Variants in CLEC1A observed in about 807,000 individuals in gnomAD.
CLEC1A encodes C-type lectin-like receptor-1.
CLEC1A carries 34 observed loss-of-function variants against 28.7 expected under a neutral mutation model. The observed-to-expected ratio is 1.18, with a 90% CI of 0.90 to 1.57. The LOEUF (loss-of-function observed/expected upper bound fraction) is 1.57, where lower values mean the gene tolerates loss of function less well. Among genes scored for constraint, CLEC1A ranks in the 40% most tolerant of loss-of-function variants. CLEC1A has a pLI of 0.00. For synonymous variants in CLEC1A, 116 were observed against 121.0 expected, an observed-to-expected ratio of 0.96 and a Z score of 0.27; for missense variants, 385 against 339.5, an observed-to-expected ratio of 1.13 and a Z score of -1.05.
chr12:10,089,072 C>G (rs1866558821), intron 2 of CLEC1A, 52 bp downstream of exon 2: 1 of 1,372,716 alleles, frequency 7.3e-7, no homozygotes, highest in Non-Finnish European at 1.0e-6. Context: ...GTTTCTCATC[C>G]TAGACAAACC....
intron 1 of CLEC1A, among the ~76,000 whole-genome samples, chr12:10,093,667 T>C (rs1343186641): frequency 6.6e-6 from 1 of 152,030 alleles, no homozygotes; most frequent in Non-Finnish European, 1.5e-5. Context: ...ATGTGCATGT[T>C]ACAAACTAGT....
intron 2 of CLEC1A, among the ~76,000 whole-genome samples, chr12:10,085,976 T>A (rs1455666391): frequency 1.1e-4 from 16 of 152,218 alleles, no homozygotes; most frequent in Admixed American, 1.0e-3. Flanking sequence ...ACTGAAATTA[T>A]ATCAAGTATT....
chr12:10,072,522 C>A (rs145394247), intron 5 of CLEC1A, among the ~76,000 whole-genome samples: 60 of 152,270 alleles, frequency 3.9e-4, no homozygotes, highest in Non-Finnish European at 7.6e-4. Flanking sequence ...TTTTGCTGCA[C>A]AGAAAGCCAA....
At position 10,071,520 on chromosome 12, in the gene CLEC1A, A is replaced by G. The variant is rs781369888; in HGVS notation, c.663-7T>C. On this transcript the variant is annotated splice_polypyrimidine_tract_variant and splice_region_variant and intron_variant, in intron 5 of 5. Transcript: ENST00000315330. ...ATCTATTATAATATGGAACCTTAAGAAAGGAAGAAAAAGTAAATTCAATCA... is the reference window on the plus strand; with the variant it reads ...ATCTATTATAATATGGAACCTTAAGGAAGGAAGAAAAAGTAAATTCAATCA... 13 of 1,567,232 alleles carry G rather than the reference A, an allele frequency of 8.3e-6. No individual in the cohort carries two copies. Among genetic ancestry groups the G allele is most frequent in the Non-Finnish European group, 1.1e-5 (13 of 1,157,238 alleles).
intron 5 of CLEC1A, among the ~76,000 whole-genome samples, chr12:10,072,634 ATCTC>A (rs58355839): frequency 0.023 from 3,334 of 148,138 alleles, 124 homozygotes; most frequent in African/African-American, 0.079. Flanking sequence ...TCAGGGAAAG[ATCTC>A]TCTCTCTCTC....
chr12:10,081,072 A>G (rs1219798949), intron 3 of CLEC1A, among the ~76,000 whole-genome samples, 165 bp downstream of exon 3: 1 of 152,238 alleles, frequency 6.6e-6, no homozygotes, highest in Non-Finnish European at 1.5e-5. Flanking sequence ...ACAGACACAT[A>G]TGAATCACAT....
intron 3 of CLEC1A, among the ~76,000 whole-genome samples, chr12:10,076,371 G>A (rs1184566925): frequency 1.3e-5 from 2 of 152,110 alleles, no homozygotes; most frequent in Admixed American, 1.3e-4. Context: ...TTTTAAAAGC[G>A]ATCTAGTTAA....
At chr12:10,081,434 AGACTG>A in intron 2 of CLEC1A, 21 bp from the exon 3 acceptor site, 1 of 1,565,416 alleles carries the variant, frequency 6.4e-7, no homozygotes, top group South Asian at 1.2e-5. Flanking sequence ...TGACCAAGTC[AGACTG>A]GACAGCTTAT....
At chr12:10,093,298 G>A (rs986293380) in intron 1 of CLEC1A, among the ~76,000 whole-genome samples, 14 of 149,904 alleles carry the variant, frequency 9.3e-5, no homozygotes, top group Admixed American at 1.3e-4. Flanking sequence ...GCTGTCTCCT[G>A]AGGCATGTTT....
chr12:10,089,304 T>A, intron 1 of CLEC1A, 82 bp from the exon 2 acceptor site: 1 of 1,122,968 alleles, frequency 8.9e-7, no homozygotes, highest in African/African-American at 1.5e-5. Context: ...GGAGTGGAGT[T>A]AATTCTGCAC....
At chr12:10,093,373 G>GAAAAAAA (rs3052137) in intron 1 of CLEC1A, among the ~76,000 whole-genome samples, 3 of 130,704 alleles carry the variant, frequency 2.3e-5, no homozygotes, top group Admixed American at 7.8e-5. Context: ...GATATATATA[G>GAAAAAAA]AAAAAAAAAA....
chr12:10,092,448 G>A (rs1008597949), intron 1 of CLEC1A: 4 of 389,130 alleles, frequency 1.0e-5, no homozygotes, highest in Non-Finnish European at 2.1e-5. Context: ...TCAGAAGGCT[G>A]AGGTGGGAGG....
At position 10,076,550 on chromosome 12, in the gene CLEC1A, GC is replaced by G. The variant is rs145917660; in HGVS notation, c.392-896del. The stretch of plus-strand genomic sequence containing the variant: ...GAAAAACTTGCTGTGGAGCTCAATA[GC>G]TTTTGCACTCTCTCAGACAGGTCGG... On this transcript the variant is annotated intron_variant, in intron 3 of 5. Coordinates refer to ENST00000315330, the MANE Select transcript of CLEC1A (RefSeq NM_016511.4). Among the ~76,000 whole-genome samples, 510 of 152,254 alleles carry G rather than the reference GC, an allele frequency of 3.3e-3. 5 individuals carry two copies. The highest frequency in any genetic ancestry group is 0.012 in the African/African-American group (480 of 41,544).
rs1419998322 is a variant in CLEC1A, at chr12:10,069,977, T to C, written c.*1356A>G. On this transcript the variant is annotated 3_prime_UTR_variant, in exon 6 of 6. Coordinates refer to ENST00000315330, the MANE Select transcript of CLEC1A (RefSeq NM_016511.4). ...AACTGAAGCACCTCAGTTTCCACTG[T>C]TGAAAAACAAAGATTTATAATGTTA... The C allele has an allele frequency of 6.6e-6, 1 of 152,372 alleles. No homozygotes were observed. The highest frequency in any genetic ancestry group is 1.9e-4 in the East Asian group (1 of 5,196). The allele number at this position is 152,372 out of a possible 1,614,324, so 9.4% of individuals were successfully genotyped here. A position where few individuals can be genotyped will look rare whatever the true frequency, so the allele number is the denominator to read the frequency against.
chr12:10,071,330 G>C lies in CLEC1A; in HGVS notation c.*3C>G, dbSNP rs376070327. On this transcript the variant is annotated 3_prime_UTR_variant, in exon 6 of 6. Transcript: ENST00000315330. ...TCTGCTATTTGTAGTTGCAGAGGGC[G>C]AATCAGTCACCTTCGCCTAATGTTT... The C allele has an allele frequency of 1.2e-6, 2 of 1,612,302 alleles. No homozygotes were observed. Among genetic ancestry groups the C allele is most frequent in the Non-Finnish European group, 1.7e-6 (2 of 1,179,114 alleles).
chr12:10,083,227 A>AGATC (rs1866406945), intron 2 of CLEC1A, among the ~76,000 whole-genome samples: 1 of 152,212 alleles, frequency 6.6e-6, no homozygotes, highest in South Asian at 2.1e-4. Flanking sequence ...TGTGTGTTCC[A>AGATC]GATCTTTTCA....
intron 4 of CLEC1A, among the ~76,000 whole-genome samples, chr12:10,074,990 C>T (rs1364850834): frequency 1.3e-5 from 2 of 152,166 alleles, no homozygotes; most frequent in Admixed American, 6.5e-5. Flanking sequence ...ACTTTAATTG[C>T]GTGTACTAAC....
chr12:10,092,097 A>G (rs1947714466), intron 1 of CLEC1A, among the ~76,000 whole-genome samples: 1 of 152,180 alleles, frequency 6.6e-6, no homozygotes, highest in South Asian at 2.1e-4. Flanking sequence ...CAAAGTCATA[A>G]TAATTTTTTA....
intron 4 of CLEC1A, among the ~76,000 whole-genome samples, chr12:10,073,812 G>A (rs953976154): frequency 3.9e-5 from 6 of 152,048 alleles, no homozygotes; most frequent in African/African-American, 1.4e-4. Flanking sequence ...GGTAGTAACC[G>A]TTATAAATAC....
Sources: gnomAD v4.1 joint callset for allele counts (sites outside exome capture counted in the v4.1 genomes callset) on GRCh38, gnomAD v4.1.1 for gene constraint, MANE v1.5 for transcripts, NCBI Gene and HGNC (gene_info 2026-07-23, HGNC 2026-07-21) for gene names.